The following ALDH1L2 variants were observed in gnomAD, a reference collection of about 807,000 sequenced individuals.
ALDH1L2 encodes the protein aldehyde dehydrogenase 1 family member L2.
ALDH1L2 carries 91 observed loss-of-function variants against 111.0 expected under a neutral mutation model. The ratio of observed to expected loss-of-function variants is 0.82; its 90% CI spans 0.69 to 0.98. The LOEUF is 0.98. Ranked by LOEUF, ALDH1L2 falls within the 50% of genes least tolerant of loss-of-function variation. The pLI is 0.00. For missense variants in ALDH1L2, 995 were observed against 1,126.8 expected, an observed-to-expected ratio of 0.88 and a Z score of 1.67; for synonymous variants, 374 against 392.6, an observed-to-expected ratio of 0.95 and a Z score of 0.56.
Position 105,031,838 on chromosome 12 carries a change from G to A in ALDH1L2, c.2341C>T (p.Gln781Ter). Reference protein sequence around the residue: ...NHKAHLEKLLQYCETGVKEGA... With the variant: ...NHKAHLEKLL ...TCTTTCACTCCAGTTTCACAGTATT[G>A]CAGCAGCTTTTCCAGATGAGCCTTA... The change falls in exon 20 of 23, where the codon CAA (glutamine) becomes TAA (stop). Residue 781 changes from glutamine (Q) to a stop codon, truncating the protein, a stop_gained. Transcript: ENST00000258494. LOFTEE classifies it high-confidence loss of function. 1 of 1,614,176 alleles carries A rather than the reference G, an allele frequency of 6.2e-7. No individual in the cohort carries two copies. The highest frequency in any genetic ancestry group is 8.5e-7 in the Non-Finnish European group (1 of 1,180,032).
chr12:105,051,158 C>T (rs1057331540), intron 12 of ALDH1L2, among the ~76,000 whole-genome samples: 2 of 152,158 alleles, frequency 1.3e-5, no homozygotes, highest in African/African-American at 2.4e-5. Context: ...CAACAGGGTA[C>T]TGGATATTCT....
intron 15 of ALDH1L2, among the ~76,000 whole-genome samples, chr12:105,042,095 G>A (rs12578976): frequency 0.36 from 54,740 of 151,636 alleles, 10,068 homozygotes; most frequent in South Asian, 0.51. Context: ...ACACACACAC[G>A]TCTACATGTA....
intron 22 of ALDH1L2, 72 bp downstream of exon 22, chr12:105,026,473 C>A: frequency 1.3e-6 from 2 of 1,559,422 alleles, no homozygotes; most frequent in South Asian, 2.3e-5. Context: ...ACACACAAGT[C>A]ATGAAACATA....
chr12:105,066,763 A>G (rs1877383056), intron 4 of ALDH1L2, 94 bp from the exon 5 acceptor site: 2 of 992,192 alleles, frequency 2.0e-6, no homozygotes, highest in Non-Finnish European at 3.2e-6. Flanking sequence ...ATTACTACCT[A>G]TAAACCTGTT....
chr12:105,058,539 T>C (rs139485613), intron 9 of ALDH1L2, among the ~76,000 whole-genome samples: 92 of 152,358 alleles, frequency 6.0e-4, no homozygotes, highest in Non-Finnish European at 1.1e-3. Flanking sequence ...TCCTTTCATA[T>C]ATACTCAGGG....
At chr12:105,044,981 C>G (rs1875755700) in intron 15 of ALDH1L2, among the ~76,000 whole-genome samples, 1 of 152,014 alleles carries the variant, frequency 6.6e-6, no homozygotes, top group Non-Finnish European at 1.5e-5. Context: ...GCTCTACTCT[C>G]TTAACAAATT....
Position 105,068,485 on chromosome 12 carries a change from C to T in ALDH1L2, c.594+234G>A, listed in dbSNP as rs1592802928. On this transcript the variant is annotated intron_variant, in intron 4 of 22. Transcript: ENST00000258494. ...AAAGAATGGAGCAGTTTAAATGCTACTGCATCCATTGGATCACTGCTCTCA... is the reference window on the plus strand; with the variant it reads ...AAAGAATGGAGCAGTTTAAATGCTATTGCATCCATTGGATCACTGCTCTCA... Among the ~76,000 whole-genome samples the T allele has an allele frequency of 3.9e-5, 6 of 152,138 alleles. No individual in the cohort carries two copies. The South Asian group carries it at 8.3e-4, about 21-fold the overall frequency.
intron 20 of ALDH1L2, among the ~76,000 whole-genome samples, chr12:105,031,043 G>A (rs890847265): frequency 9.9e-5 from 15 of 152,038 alleles, no homozygotes; most frequent in African/African-American, 3.6e-4. Context: ...TGGGTCAGTT[G>A]TTTATACATT....
intron 17 of ALDH1L2, 62 bp downstream of exon 17, chr12:105,039,651 A>T: frequency 6.8e-7 from 1 of 1,461,008 alleles, no homozygotes; most frequent in Non-Finnish European, 9.6e-7. Flanking sequence ...TACCCTGTTT[A>T]AACAAAAATT....
chr12:105,082,720 G>A (rs1454621928), intron 1 of ALDH1L2, among the ~76,000 whole-genome samples: 1 of 152,190 alleles, frequency 6.6e-6, no homozygotes, highest in Non-Finnish European at 1.5e-5. Flanking sequence ...TAAATACCTA[G>A]GAGTGTGATT....
intron 21 of ALDH1L2, among the ~76,000 whole-genome samples, chr12:105,029,123 G>A (rs1253133446): frequency 6.6e-6 from 1 of 151,342 alleles, no homozygotes; most frequent in African/African-American, 2.4e-5. Context: ...ATCTCCTTGG[G>A]CTCAAGTGAT....
At position 105,039,777 on chromosome 12, in the gene ALDH1L2, G is replaced by A; in HGVS notation, c.1981C>T (p.His661Tyr). ...GGIAGQRLSE[H>Y]PDIRKLGFTG... ...AAACCAAGTTTGCGGATGTCAGGATGTTCAGACAGACGTTGTCCTGCTATG... is the reference window on the plus strand; with the variant it reads ...AAACCAAGTTTGCGGATGTCAGGATATTCAGACAGACGTTGTCCTGCTATG... The change falls in exon 17 of 23, where the codon CAT (histidine) becomes TAT (tyrosine). Residue 661 changes from histidine (H) to tyrosine (Y), a missense_variant. By Grantham distance (83) the His-to-Tyr change is moderately conservative. Coordinates refer to ENST00000258494, the MANE Select transcript of ALDH1L2 (RefSeq NM_001034173.4). 1 of 1,614,080 alleles carries A rather than the reference G, an allele frequency of 6.2e-7. No homozygotes were observed. Among genetic ancestry groups the A allele is most frequent in the South Asian group, 1.1e-5 (1 of 91,084 alleles).
rs1565952180 is a variant in ALDH1L2, at chr12:105,036,513, TTTATATATATATA to T, written c.2145+1577_2145+1589del. On this transcript the variant is annotated intron_variant, in intron 18 of 22. Transcript: ENST00000258494. ...TATATTTATATATGTATATATATAT[TTTATATATATATA>T]TATATATATATATATATATATATAT... Among the ~76,000 whole-genome samples the T allele has an allele frequency of 5.0e-4, 27 of 53,846 alleles. 3 individuals are homozygous for T. Among genetic ancestry groups the T allele is most frequent in the East Asian group, 1.0e-3 (2 of 2,006 alleles). 35.3% of individuals were successfully genotyped at this position (53,846 alleles called of 152,430 possible).
At chr12:105,060,034 G>A (rs961938938) in intron 9 of ALDH1L2, among the ~76,000 whole-genome samples, 1 of 152,162 alleles carries the variant, frequency 6.6e-6, no homozygotes, top group African/African-American at 2.4e-5. Flanking sequence ...TTGCGATAGA[G>A]GCTTTCTGGG....
Position 105,024,060 on chromosome 12 carries a change from T to C in ALDH1L2, c.*364A>G, listed in dbSNP as rs1206393251. 3.5e-6 allele frequency: 1 copy of C among 284,454 alleles called. No individual in the cohort carries two copies. Among genetic ancestry groups the C allele is most frequent in the African/African-American group, 2.2e-5 (1 of 45,588 alleles). The allele number at this position is 284,454 out of a possible 1,614,324, so 17.6% of individuals were successfully genotyped here. A position where few individuals can be genotyped will look rare whatever the true frequency, so the allele number is the denominator to read the frequency against. ...GTATAGTTCAGAGGTTAAAAACCTG[T>C]ACATATTATACAAAGTTTCCAATAA... On this transcript the variant is annotated 3_prime_UTR_variant, in exon 23 of 23. Transcript: ENST00000258494.
At chr12:105,052,318 T>TA in intron 11 of ALDH1L2, 101 bp from the exon 12 acceptor site, 2 of 867,892 alleles carry the variant, frequency 2.3e-6, no homozygotes, top group Admixed American at 3.3e-5. Context: ...TTACTGATTT[T>TA]AAAAAAAGTT....
intron 18 of ALDH1L2, among the ~76,000 whole-genome samples, chr12:105,037,680 T>A (rs962466120): frequency 6.6e-6 from 1 of 152,224 alleles, no homozygotes; most frequent in Non-Finnish European, 1.5e-5. Context: ...TGGTTTTAAT[T>A]TATGACTAGA....
Position 105,070,644 on chromosome 12 carries a change from A to G in ALDH1L2, c.354T>C (p.Asp118=). ...CTQFIPMDII[D]SPKHGSIIYH... ...AAATGATAGAGCCGTGCTTTGGACT[A>G]TCAATTATATCCATGGGAATGAACT... Residue 118 remains aspartate, a synonymous_variant, in exon 3 of 23, where the codon GAT becomes GAC. Coordinates refer to ENST00000258494, the MANE Select transcript of ALDH1L2 (RefSeq NM_001034173.4). 6.2e-7 allele frequency: 1 copy of G among 1,614,188 alleles called. No homozygotes were observed.
At chr12:105,034,690 TAAAA>T (rs1226678056) in intron 18 of ALDH1L2, among the ~76,000 whole-genome samples, 1 of 152,138 alleles carries the variant, frequency 6.6e-6, no homozygotes, top group Non-Finnish European at 1.5e-5. Flanking sequence ...AATTTTGTGT[TAAAA>T]GAAAATCTAG....
Sources: allele counts gnomAD v4.1 joint callset (sites outside exome capture counted in the v4.1 genomes callset), GRCh38; gene constraint gnomAD v4.1.1; transcripts MANE v1.5; gene names NCBI Gene and HGNC (gene_info 2026-07-23, HGNC 2026-07-21).